PKD2L1: variants seen among roughly 807,000 people sequenced by gnomAD.
The protein encoded by PKD2L1 is polycystin 2 like 1, transient receptor potential cation channel, also known as polycystin-2-like protein 1.
PKD2L1 carries 77 observed loss-of-function variants against 93.0 expected under a neutral mutation model. That is an observed-to-expected ratio of 0.83 (90% CI 0.69 to 1.00). The LOEUF (loss-of-function observed/expected upper bound fraction) is 1.00. Among genes scored for constraint, PKD2L1 ranks in the 50% least tolerant of loss-of-function variants. The pLI, the probability that PKD2L1 is intolerant of heterozygous loss-of-function variation, is 0.00. For missense variants in PKD2L1, 977 were observed against 990.9 expected (o/e 0.99, Z 0.19); for synonymous variants, 390 against 388.0 (o/e 1.01, Z -0.06).
Position 100,330,177 on chromosome 10 carries a change from C to G in PKD2L1, c.-74G>C. The G allele has an allele frequency of 1.1e-6, 1 of 911,336 alleles. No individual in the cohort carries two copies. Among genetic ancestry groups the G allele is most frequent in the Non-Finnish European group, 1.7e-6 (1 of 594,238 alleles). The allele number at this position is 911,336 out of a possible 1,614,324, so 56.5% of individuals were successfully genotyped here. A position where few individuals can be genotyped will look rare whatever the true frequency, so the allele number is the denominator to read the frequency against. On this transcript the variant is annotated 5_prime_UTR_variant, in exon 1 of 16. Coordinates refer to ENST00000318222, the MANE Select transcript of PKD2L1 (RefSeq NM_016112.3). ...AGAGGAAGAGGGAGCAGAGGCACAGCCCAGCCTAGCCAGCAGAGAGCAAAT... is the reference window on the plus strand; with the variant it reads ...AGAGGAAGAGGGAGCAGAGGCACAGGCCAGCCTAGCCAGCAGAGAGCAAAT...
At chr10:100,299,252 C>T (rs1235293252) in intron 3 of PKD2L1, among the ~76,000 whole-genome samples, 5 of 152,116 alleles carry the variant, frequency 3.3e-5, no homozygotes, top group East Asian at 1.9e-4. Flanking sequence ...CCACCGTGCC[C>T]GGCCTGCTTT....
intron 3 of PKD2L1, 69 bp downstream of exon 3, chr10:100,299,522 C>G (rs575966675): frequency 2.9e-6 from 4 of 1,397,622 alleles, no homozygotes; most frequent in Non-Finnish European, 4.0e-6. Context: ...AGGTCTGATC[C>G]GTTGTCTGAC....
chr10:100,308,368 CTT>C (rs1434218417), intron 2 of PKD2L1, among the ~76,000 whole-genome samples: 1 of 151,080 alleles, frequency 6.6e-6, no homozygotes, highest in Admixed American at 6.6e-5. Flanking sequence ...GAGTCTCTCT[CTT>C]GTTGCCCTGG....
At chr10:100,304,924 T>C (rs1848763934) in intron 2 of PKD2L1, among the ~76,000 whole-genome samples, 1 of 152,180 alleles carries the variant, frequency 6.6e-6, no homozygotes, top group Non-Finnish European at 1.5e-5. Context: ...CAGTATAGAC[T>C]TGGGCTCTGA....
intron 2 of PKD2L1, among the ~76,000 whole-genome samples, chr10:100,305,889 A>G (rs1356877387): frequency 6.6e-6 from 1 of 152,152 alleles, no homozygotes; most frequent in East Asian, 1.9e-4. Flanking sequence ...GGCTTTTTAA[A>G]ACACAAATTG....
chr10:100,315,331 C>T (rs1849078006), intron 2 of PKD2L1, among the ~76,000 whole-genome samples: 1 of 152,114 alleles, frequency 6.6e-6, no homozygotes, highest in South Asian at 2.1e-4. Flanking sequence ...CATAGGTATA[C>T]ATGTGCCATG....
intron 2 of PKD2L1, among the ~76,000 whole-genome samples, chr10:100,311,806 A>G (rs1848940538): frequency 6.6e-6 from 1 of 152,226 alleles, no homozygotes; most frequent in African/African-American, 2.4e-5. Context: ...CAGTAAGTGT[A>G]CATAGTTCCT....
At chr10:100,312,350 T>G (rs1848953420) in intron 2 of PKD2L1, among the ~76,000 whole-genome samples, 1 of 152,196 alleles carries the variant, frequency 6.6e-6, no homozygotes, top group Non-Finnish European at 1.5e-5. Context: ...CAGTTTCTTC[T>G]TGGGAAATTA....
Position 100,290,105 on chromosome 10 carries a change from G to C in PKD2L1, c.2160C>G (p.Val720=). The change falls in exon 14 of 16, where the codon GTC becomes GTG. Residue 720 remains valine, a synonymous_variant. Coordinates refer to ENST00000318222, the MANE Select transcript of PKD2L1 (RefSeq NM_016112.3). ...LTRRVLQLET[V]LEGVVSQIDA... is the part of the protein sequence containing the mutation. The stretch of plus-strand genomic sequence containing the variant: ...CAATCTGGGACACTACTCCTTCCAG[G>C]ACAGTCTCCAGCTGCAGAACTCTCC... 6.2e-7 allele frequency: 1 copy of C among 1,613,988 alleles called. No individual in the cohort carries two copies. The highest frequency in any genetic ancestry group is 8.5e-7 in the Non-Finnish European group (1 of 1,179,876).
intron 12 of PKD2L1, among the ~76,000 whole-genome samples, chr10:100,290,771 A>G (rs1784133734): frequency 6.6e-6 from 1 of 152,220 alleles, no homozygotes; most frequent in South Asian, 2.1e-4. Context: ...ACTAGAGGCC[A>G]ACTCATTTTA....
intron 2 of PKD2L1, among the ~76,000 whole-genome samples, chr10:100,308,626 C>T (rs959523259): frequency 3.3e-5 from 5 of 152,128 alleles, no homozygotes; most frequent in Admixed American, 2.0e-4. Flanking sequence ...TGAGCCACTG[C>T]GCCAGGCCCC....
At chr10:100,323,425 C>A (rs1278255195) in intron 2 of PKD2L1, among the ~76,000 whole-genome samples, 4 of 152,114 alleles carry the variant, frequency 2.6e-5, no homozygotes, top group Non-Finnish European at 4.4e-5. Flanking sequence ...CGTGCCACCA[C>A]ACGCGACTAA....
At chr10:100,290,549 G>T in intron 12 of PKD2L1, 30 bp from the exon 13 acceptor site, 2 of 1,432,270 alleles carry the variant, frequency 1.4e-6, no homozygotes, top group Non-Finnish European at 9.8e-7. Context: ...TTAGAGGGGA[G>T]GAGATAACTC....
rs1302409472 is a variant in PKD2L1 at position 100,330,038 on chromosome 10, G to A, written c.66C>T (p.Asn22=). The A allele has an allele frequency of 6.2e-7, 1 of 1,612,092 alleles. No individual in the cohort carries two copies. The highest frequency in any genetic ancestry group is 1.1e-5 in the South Asian group (1 of 90,926). The change falls in exon 1 of 16, where the codon AAC becomes AAT. Residue 22 remains asparagine (N), a synonymous_variant. Coordinates refer to ENST00000318222, the MANE Select transcript of PKD2L1 (RefSeq NM_016112.3). Reference sequence around the variant, plus strand: ...GGGAAGGGGGACCACTGTAGGCGGGGTTGTCCCAGGCTCCACTCCCCAGCT... The same window carrying A: ...GGGAAGGGGGACCACTGTAGGCGGGATTGTCCCAGGCTCCACTCCCCAGCT... ...LQKLGSGAWD[N]PAYSGPPSPH...
chr10:100,301,043 C>G (rs1334096015), intron 2 of PKD2L1, among the ~76,000 whole-genome samples: 1 of 152,118 alleles, frequency 6.6e-6, no homozygotes, highest in Non-Finnish European at 1.5e-5. Context: ...AGTTGGGTGT[C>G]CGGCGGAGAC....
In PKD2L1 at chr10:100,315,115, G is replaced by A. The variant is rs138488580; in HGVS notation, c.349+14096C>T. Reference sequence around the variant, plus strand: ...GGAAGGGAAGGGAAGGGAAGGGAAGGGAAGAGAAAACAGTTGAAATGATTA... The same window carrying A: ...GGAAGGGAAGGGAAGGGAAGGGAAGAGAAGAGAAAACAGTTGAAATGATTA... On this transcript the variant is annotated intron_variant, in intron 2 of 15. Transcript: ENST00000318222. Among the ~76,000 whole-genome samples, 62 of 79,198 alleles carry A rather than the reference G, an allele frequency of 7.8e-4. 6 individuals are homozygous for A. The highest frequency in any genetic ancestry group is 1.7e-3 in the African/African-American group (34 of 20,092). The allele number at this position is 79,198 out of a possible 152,430, so 52.0% of individuals were successfully genotyped here.
intron 2 of PKD2L1, among the ~76,000 whole-genome samples, chr10:100,318,159 GT>G (rs758658270): frequency 4.1e-4 from 62 of 151,976 alleles, no homozygotes; most frequent in Non-Finnish European, 8.2e-4. Context: ...CAGTCTGGAG[GT>G]TCTGTCTGAA....
At position 100,321,756 on chromosome 10, in the gene PKD2L1, A is replaced by C. The variant is rs372460799; in HGVS notation, c.349+7455T>G. The stretch of plus-strand genomic sequence containing the variant: ...GAAAGAAAGAAAGAAAGAAAGAAAG[A>C]AGGGAGGGAGGGAGGGAGGGAGGGA... On this transcript the variant is annotated intron_variant, in intron 2 of 15. Transcript: ENST00000318222. Among the ~76,000 whole-genome samples, 12 of 1,836 alleles carry C rather than the reference A, an allele frequency of 6.5e-3. 1 individual carries two copies. Among genetic ancestry groups the C allele is most frequent in the African/African-American group, 0.023 (12 of 528 alleles). The allele number at this position is 1,836 out of a possible 152,430, so 1.2% of individuals were successfully genotyped here. A position where few individuals can be genotyped will look rare whatever the true frequency, so the allele number is the denominator to read the frequency against.
At chr10:100,328,904 G>A (rs1283557918) in intron 2 of PKD2L1, among the ~76,000 whole-genome samples, 1 of 152,112 alleles carries the variant, frequency 6.6e-6, no homozygotes, top group Non-Finnish European at 1.5e-5. Flanking sequence ...TCTACAGAAG[G>A]GTAAAATATT....
Sources: gnomAD v4.1 joint callset for allele counts (sites outside exome capture counted in the v4.1 genomes callset) on GRCh38, gnomAD v4.1.1 for gene constraint, MANE v1.5 for transcripts, NCBI Gene and HGNC (gene_info 2026-07-23, HGNC 2026-07-21) for gene names.